MAN2A1: variants seen among roughly 807,000 people sequenced by gnomAD.
MAN2A1 encodes mannosidase alpha class 2A member 1, also known as alpha-mannosidase 2.
In MAN2A1, 76 loss-of-function variants were observed where a neutral mutation model predicts 142.6. The observed-to-expected ratio is 0.53, with a 90% CI of 0.44 to 0.65. MAN2A1 has a LOEUF of 0.65. MAN2A1 is among the 30% of genes least tolerant of loss of function. The probability of loss-of-function intolerance (pLI) is 0.00; values close to 1 mark genes in which losing one functional copy is unlikely to be tolerated. For missense variants in MAN2A1, 1,311 were observed against 1,365.1 expected (o/e 0.96, Z 0.62); for synonymous variants, 559 against 473.2 (o/e 1.18, Z -2.35).
chr5:109,716,204 A>G lies in MAN2A1; in HGVS notation c.475A>G (p.Asn159Asp), dbSNP rs760982709. The G allele has an allele frequency of 1.2e-6, 2 of 1,612,026 alleles. No homozygotes were observed. The highest frequency in any genetic ancestry group is 1.7e-5 in the Admixed American group (1 of 59,920). The change falls in exon 3 of 22, where the codon AAT becomes GAT. Residue 159 changes from asparagine (N) to aspartate (D), a missense_variant. This residue lies in a region of MAN2A1 where 409 missense variants were observed against 412.7 expected (regional missense o/e 0.99). Coordinates refer to ENST00000261483, the MANE Select transcript of MAN2A1 (RefSeq NM_002372.4). ...AGGATTTGACATTACTTATGAATCT[A>G]ATGAATGGGACACTGAACCCCTTCA... Reference protein sequence around the residue: ...KQGFDITYESNEWDTEPLQVF... With the variant: ...KQGFDITYESDEWDTEPLQVF...
In MAN2A1 at chr5:109,867,193, C is replaced by T; in HGVS notation, c.*195C>T. On this transcript the variant is annotated 3_prime_UTR_variant, in exon 22 of 22. Transcript: ENST00000261483. ...AAAAAAAAAAAGCCATGCTATCAAT[C>T]AAGATTCTTTTTTTTTAAACTTTCT... 1 of 373,484 alleles carries T rather than the reference C, an allele frequency of 2.7e-6. No homozygotes were observed. The highest frequency in any genetic ancestry group is 4.7e-6 in the Non-Finnish European group (1 of 214,656). 23.1% of individuals were successfully genotyped at this position (373,484 alleles called of 1,614,324 possible).
rs556927182 is a variant in MAN2A1, at chr5:109,732,562, G to T, written c.707+3049G>T. Among the ~76,000 whole-genome samples, 4 of 151,924 alleles carry T rather than the reference G, an allele frequency of 2.6e-5. No homozygotes were observed. The East Asian group carries it at 7.7e-4, about 29-fold the overall frequency. On this transcript the variant is annotated intron_variant, in intron 4 of 21. Transcript: ENST00000261483. Reference sequence around the variant, plus strand: ...GTATAAGGTTTAAGGAAGGGATCCAGTTTCAGCTTTCTGCTTATGGCTAGC... The same window carrying T: ...GTATAAGGTTTAAGGAAGGGATCCATTTTCAGCTTTCTGCTTATGGCTAGC...
At chr5:109,744,499 G>A (rs2112610798) in intron 4 of MAN2A1, among the ~76,000 whole-genome samples, 1 of 152,164 alleles carries the variant, frequency 6.6e-6, no homozygotes, top group African/African-American at 2.4e-5. Context: ...GGTGGGCAGC[G>A]AGGGTGTGTG....
At chr5:109,739,507 C>T (rs1752204696) in intron 4 of MAN2A1, among the ~76,000 whole-genome samples, 3 of 152,130 alleles carry the variant, frequency 2.0e-5, no homozygotes, top group African/African-American at 7.2e-5. Flanking sequence ...CCCTGCCACT[C>T]CCTCGGTTCA....
intron 1 of MAN2A1, among the ~76,000 whole-genome samples, chr5:109,694,508 GC>G (rs1354422835): frequency 4.6e-5 from 7 of 152,018 alleles, no homozygotes; most frequent in African/African-American, 1.7e-4. Context: ...ACTGTGCCCA[GC>G]CAGTTTTAAA....
chr5:109,779,962 T>A (rs1753407374), intron 8 of MAN2A1, among the ~76,000 whole-genome samples: 1 of 152,236 alleles, frequency 6.6e-6, no homozygotes, highest in Admixed American at 6.5e-5. Flanking sequence ...GCCTTATCAG[T>A]ATCATTGTTG....
chr5:109,794,393 A>G (rs1167045672), intron 12 of MAN2A1, among the ~76,000 whole-genome samples: 1 of 152,184 alleles, frequency 6.6e-6, no homozygotes, highest in African/African-American at 2.4e-5. Flanking sequence ...GACACGTACT[A>G]GAAAACTAGT....
chr5:109,822,474 A>G (rs1269276825), intron 15 of MAN2A1, among the ~76,000 whole-genome samples: 1 of 152,202 alleles, frequency 6.6e-6, no homozygotes, highest in Non-Finnish European at 1.5e-5. Flanking sequence ...AATAAAAAAC[A>G]TCAGGGAAAG....
intron 1 of MAN2A1, among the ~76,000 whole-genome samples, chr5:109,706,751 GA>G (rs11410281): frequency 6.1e-5 from 9 of 146,996 alleles, no homozygotes; most frequent in East Asian, 3.9e-4. Context: ...AGATTTGAAG[GA>G]AAAAAAAAAC....
chr5:109,766,617 A>G (rs1752998262), intron 5 of MAN2A1, among the ~76,000 whole-genome samples: 1 of 152,142 alleles, frequency 6.6e-6, no homozygotes, highest in South Asian at 2.1e-4. Flanking sequence ...ACTAGAGTCA[A>G]GATCTAATTT....
chr5:109,800,034 G>A (rs1349218202), intron 12 of MAN2A1, among the ~76,000 whole-genome samples: 1 of 149,950 alleles, frequency 6.7e-6, no homozygotes, highest in African/African-American at 2.4e-5. Flanking sequence ...GTTACAGTGA[G>A]TCAAGATTGC....
intron 10 of MAN2A1, among the ~76,000 whole-genome samples, chr5:109,785,921 A>G (rs1354247437): frequency 1.3e-5 from 2 of 152,168 alleles, no homozygotes; most frequent in South Asian, 2.1e-4. Context: ...AGCGTATACA[A>G]CACATAAAAT....
rs150836500 is a variant in MAN2A1 at position 109,799,162 on chromosome 5, C to A, written c.1943+9635C>A. Among the ~76,000 whole-genome samples, 791 of 152,296 alleles carry A rather than the reference C, an allele frequency of 5.2e-3. 7 individuals are homozygous for A. Among genetic ancestry groups the A allele is most frequent in the African/African-American group, 0.018 (747 of 41,564 alleles). The stretch of plus-strand genomic sequence containing the variant: ...TTAATACGGTTATGTGTATGAACTT[C>A]ATAGTATGGGACCTAGCGCTTAGCA... On this transcript the variant is annotated intron_variant, in intron 12 of 21. Transcript: ENST00000261483.
chr5:109,817,349 C>G lies in MAN2A1; in HGVS notation c.2020C>G (p.Gln674Glu), dbSNP rs150876984. The change falls in exon 13 of 22, where the codon CAA (glutamine) becomes GAA (glutamate). Residue 674 changes from glutamine to glutamate, a missense_variant. Physicochemically the swap from Gln to Glu is conservative, Grantham distance 29. This residue lies in a region of MAN2A1 where 890 missense variants were observed against 920.5 expected (regional missense o/e 0.97). Transcript: ENST00000261483. ...VSVYVSSPTV[Q>E]VFSASGKPVE... ...AGTCTATGTGAGTTCCCCGACAGTG[C>G]AAGTGTTCTCTGCTTCAGGAAAACC... The G allele has an allele frequency of 9.3e-6, 15 of 1,614,130 alleles. No individual in the cohort carries two copies. The highest frequency in any genetic ancestry group is 1.3e-5 in the Non-Finnish European group (15 of 1,180,002).
At chr5:109,710,338 A>G (rs1394141842) in intron 1 of MAN2A1, among the ~76,000 whole-genome samples, 2 of 152,142 alleles carry the variant, frequency 1.3e-5, no homozygotes, top group African/African-American at 4.8e-5. Flanking sequence ...TATTCCCAGG[A>G]AGGGTTGTCT....
intron 16 of MAN2A1, among the ~76,000 whole-genome samples, chr5:109,829,615 G>A (rs1029904045): frequency 1.9e-4 from 29 of 152,100 alleles, no homozygotes; most frequent in African/African-American, 6.3e-4. Context: ...AATCATACTG[G>A]TAAAGCTGTA....
In MAN2A1 at chr5:109,794,629, T is replaced by A. The variant is rs145548770; in HGVS notation, c.1943+5102T>A. On this transcript the variant is annotated intron_variant, in intron 12 of 21. Transcript: ENST00000261483. ...TTTAAATAAAGCTGTTTTGAACTTT[T>A]CTTTTGGTGAGGGAATTAGTAACTG... Among the ~76,000 whole-genome samples, 641 of 152,258 alleles carry A rather than the reference T, an allele frequency of 4.2e-3. 1 individual carries two copies. The highest frequency in any genetic ancestry group is 0.015 in the African/African-American group (609 of 41,556).
At chr5:109,713,184 A>G (rs1751350967) in intron 1 of MAN2A1, among the ~76,000 whole-genome samples, 1 of 152,222 alleles carries the variant, frequency 6.6e-6, no homozygotes, top group Admixed American at 6.5e-5. Context: ...TGAATATAAT[A>G]TGCTGTTGTA....
chr5:109,823,750 GTC>G lies in MAN2A1; in HGVS notation c.2480_2481del (p.Val827GlufsTer16). ...TTATGTTTACACAACACCGCCCTTT[GTC>G]AGAGTGACACATGGAAGGATTTATT... Reference protein sequence around the residue: ...KPYVYTTPPFVRVTHGRIYSE... With the variant: ...KPYVYTTPPFXRVTHGRIYSE... On this transcript the variant is annotated frameshift_variant, in exon 16 of 22. Coordinates refer to ENST00000261483, the MANE Select transcript of MAN2A1 (RefSeq NM_002372.4). LOFTEE classifies it high-confidence loss of function. 2.5e-6 allele frequency: 4 copies of G among 1,607,352 alleles called. No homozygotes were observed. The highest frequency in any genetic ancestry group is 3.4e-6 in the Non-Finnish European group (4 of 1,176,528).
Sources: gnomAD v4.1 joint callset for allele counts (sites outside exome capture counted in the v4.1 genomes callset) on GRCh38, gnomAD v4.1.1 for gene constraint, gnomAD v4.1.1 regional missense constraint, MANE v1.5 for transcripts, NCBI Gene and HGNC (gene_info 2026-07-23, HGNC 2026-07-21) for gene names.